The following ATP1A3 variants were observed in gnomAD, a reference collection of about 807,000 sequenced individuals.
ATP1A3 encodes the protein sodium/potassium-transporting ATPase subunit alpha-3.
Under a neutral mutation model 108.8 loss-of-function variants are expected in ATP1A3, and 12 were observed. The observed-to-expected ratio is 0.11, with a 90% CI of 0.07 to 0.18. ATP1A3 has a LOEUF of 0.18. Ranked by LOEUF, ATP1A3 falls within the 10% of genes least tolerant of loss-of-function variation. The pLI is 1.00. For synonymous variants in ATP1A3, 539 were observed against 564.5 expected (o/e 0.95, Z 0.64); for missense variants, 498 against 1,387.7 (o/e 0.36, Z 10.19).
chr19:41,985,447 A>C lies in ATP1A3; in HGVS notation c.607-24T>G, dbSNP rs782286721. The C allele has an allele frequency of 6.2e-7, 1 of 1,600,208 alleles. No homozygotes were observed. The highest frequency in any genetic ancestry group is 8.6e-7 in the Non-Finnish European group (1 of 1,167,514). On this transcript the variant is annotated intron_variant, in intron 6 of 22. Coordinates refer to ENST00000648268, the MANE Select transcript of ATP1A3 (RefSeq NM_152296.5). The surrounding 1 kb of genome is among the most constrained non-coding windows in gnomAD (Gnocchi z 8.2). ...ACCTGGGGGTAGGTGCAGCAGAGAG[A>C]GGGTTCAGTCCAGGGCCTGGGACAG...
chr19:41,971,407 C>T (rs2075108415), intron 16 of ATP1A3, among the ~76,000 whole-genome samples: 1 of 152,090 alleles, frequency 6.6e-6, no homozygotes, highest in Admixed American at 6.6e-5. Context: ...GTTTTATACC[C>T]AAAAGAGAGG....
intron 4 of ATP1A3, among the ~76,000 whole-genome samples, chr19:41,987,066 G>T (rs2075293783): frequency 6.6e-6 from 1 of 152,184 alleles, no homozygotes; most frequent in East Asian, 1.9e-4. Context: ...TTGTGTGTGT[G>T]TCTGTCCTCC....
intron 18 of ATP1A3, 31 bp from the exon 19 acceptor site, chr19:41,969,611 G>C (rs782547673): frequency 6.2e-6 from 10 of 1,612,348 alleles, no homozygotes; most frequent in Non-Finnish European, 8.5e-6. Context: ...GCCGAGGAGA[G>C]GCTCAGATTG....
chr19:41,969,568 G>A lies in ATP1A3; in HGVS notation c.2555C>T (p.Ala852Val). ...AAAGTAAGAGAAGAAGCCACCGAGA[G>A]CCTGGATCATTCCTGGAAGGAGGAG... ...MAYGQIGMIQ[A>V]LGGFFSYFVI... The change falls in exon 19 of 23, where the codon GCT (alanine) becomes GTT (valine). Residue 852 changes from alanine to valine, a missense_variant. Coordinates refer to ENST00000648268, the MANE Select transcript of ATP1A3 (RefSeq NM_152296.5). 1 of 1,613,924 alleles carries A rather than the reference G, an allele frequency of 6.2e-7. No individual in the cohort carries two copies. The highest frequency in any genetic ancestry group is 8.5e-7 in the Non-Finnish European group (1 of 1,180,034).
intron 8 of ATP1A3, among the ~76,000 whole-genome samples, chr19:41,983,589 ATT>A (rs1555864229): frequency 9.0e-5 from 13 of 145,150 alleles, no homozygotes; most frequent in African/African-American, 3.3e-4. Flanking sequence ...AATAATAATT[ATT>A]ATTATTATAA....
At position 41,970,493 on chromosome 19, in the gene ATP1A3, G is replaced by A; in HGVS notation, c.2313C>T (p.Thr771=). 1 of 1,614,148 alleles carries A rather than the reference G, an allele frequency of 6.2e-7. No individual in the cohort carries two copies. Among genetic ancestry groups the A allele is most frequent in the Non-Finnish European group, 8.5e-7 (1 of 1,180,032 alleles). ...AGGGCGTGATCTCCGGGATATTGCT[G>A]GTCAGGGTGTAGGCAATGGACTTCT... The part of the protein sequence containing the change: ...NLKKSIAYTL[T]SNIPEITPFL... The change falls in exon 17 of 23, where the codon ACC becomes ACT. Residue 771 remains threonine (T), a synonymous_variant. Transcript: ENST00000648268.
At position 41,978,942 on chromosome 19, in the gene ATP1A3, C is replaced by T; in HGVS notation, c.1438-144G>A. 1 of 680,532 alleles carries T rather than the reference C, an allele frequency of 1.5e-6. No individual in the cohort carries two copies. Among genetic ancestry groups the T allele is most frequent in the Non-Finnish European group, 2.5e-6 (1 of 393,272 alleles). 42.2% of individuals were successfully genotyped at this position (680,532 alleles called of 1,614,324 possible). A position where few individuals can be genotyped will look rare whatever the true frequency, so the allele number is the denominator to read the frequency against. ...CCACACTCTCTCACAGAGACCTCTG[C>T]TCATTCCTGTCCGCTCTGTCTATGT... is the stretch of plus-strand genomic sequence containing the variant. On this transcript the variant is annotated intron_variant, in intron 11 of 22. Transcript: ENST00000648268. This position sits in a 1 kb window ranked among gnomAD's most constrained non-coding sequence, Gnocchi z 8.3.
At chr19:41,969,656 C>T in intron 18 of ATP1A3, 76 bp from the exon 19 acceptor site, 1 of 1,579,750 alleles carries the variant, frequency 6.3e-7, no homozygotes, top group Non-Finnish European at 8.7e-7. Flanking sequence ...CTCAGAGGGC[C>T]CGGAGGCCTC....
At position 41,981,902 on chromosome 19, in the gene ATP1A3, G is replaced by A. The variant is rs367771319; in HGVS notation, c.1192+6C>T. 97 of 1,614,238 alleles carry A rather than the reference G, an allele frequency of 6.0e-5. No individual in the cohort carries two copies. In the African/African-American group the frequency reaches 7.6e-4, roughly 13 times the overall value. On this transcript the variant is annotated splice_donor_region_variant and intron_variant, in intron 9 of 22. Coordinates refer to ENST00000648268, the MANE Select transcript of ATP1A3 (RefSeq NM_152296.5). This position sits in a 1 kb window ranked among gnomAD's most constrained non-coding sequence, Gnocchi z 5.0. ...CCCATGGTCCTCACCCGGGGCCTGCGCTCACCTGACTGGTCCTCAGTGGTG... is the reference window on the plus strand; with the variant it reads ...CCCATGGTCCTCACCCGGGGCCTGCACTCACCTGACTGGTCCTCAGTGGTG...
rs1196552435 is a variant in ATP1A3 at position 41,968,129 on chromosome 19, A to T, written c.2820-366T>A. 6.6e-6 allele frequency among the ~76,000 whole-genome samples: 1 copy of T among 151,968 alleles called. No individual in the cohort carries two copies. The highest frequency in any genetic ancestry group is 1.5e-5 in the Non-Finnish European group (1 of 68,000). ...ACAGAGAGGCACTGGTATAAAAAGA[A>T]AAGGCCAGGGGCACCTCCACCACAC... On this transcript the variant is annotated intron_variant, in intron 20 of 22. Coordinates refer to ENST00000648268, the MANE Select transcript of ATP1A3 (RefSeq NM_152296.5). The surrounding 1 kb of genome is among the most constrained non-coding windows in gnomAD (Gnocchi z 5.0).
At position 41,981,052 on chromosome 19, in the gene ATP1A3, C is replaced by T. The variant is rs1346215662; in HGVS notation, c.1437+450G>A. Reference sequence around the variant, plus strand: ...TTGCTCTGTCACCCAGGCTGGAGTACAGTGCGTGATGTAGGCTCTCTGCAG... The same window carrying T: ...TTGCTCTGTCACCCAGGCTGGAGTATAGTGCGTGATGTAGGCTCTCTGCAG... On this transcript the variant is annotated intron_variant, in intron 11 of 22. Transcript: ENST00000648268. This position sits in a 1 kb window ranked among gnomAD's most constrained non-coding sequence, Gnocchi z 5.0. Among the ~76,000 whole-genome samples the T allele has an allele frequency of 6.7e-6, 1 of 149,652 alleles. No individual in the cohort carries two copies. Among genetic ancestry groups the T allele is most frequent in the African/African-American group, 2.5e-5 (1 of 40,600 alleles).
chr19:41,969,707 A>C, intron 18 of ATP1A3, 127 bp from the exon 19 acceptor site: 1 of 1,355,504 alleles, frequency 7.4e-7, no homozygotes, highest in Non-Finnish European at 1.0e-6. Context: ...TGTTATCTGG[A>C]CATTGGTTCC....
chr19:41,982,168 C>A, intron 8 of ATP1A3, 62 bp from the exon 9 acceptor site: 1 of 1,612,154 alleles, frequency 6.2e-7, no homozygotes, highest in South Asian at 1.1e-5. Context: ...GTTGGATGAG[C>A]GACACGAGGG....
chr19:41,988,637 C>A lies in ATP1A3; in HGVS notation c.7-75G>T, dbSNP rs1555866423. ...GAAGGGGTTCCAGGAGGACACCGGC[C>A]CTCCATGCCCCAGCTATCCTCCTGG... On this transcript the variant is annotated intron_variant, in intron 1 of 22. Transcript: ENST00000648268. The surrounding 1 kb of genome is among the most constrained non-coding windows in gnomAD (Gnocchi z 5.3). 1.9e-6 allele frequency: 3 copies of A among 1,611,558 alleles called. No homozygotes were observed. The highest frequency in any genetic ancestry group is 8.5e-7 in the Non-Finnish European group (1 of 1,179,346).
chr19:41,990,977 G>A (rs1294394056), intron 1 of ATP1A3: 4 of 152,402 alleles, frequency 2.6e-5, no homozygotes, highest in Admixed American at 6.6e-5. Context: ...GTCCTTAACA[G>A]AGGCTGGGCA....
intron 18 of ATP1A3, 75 bp downstream of exon 18, chr19:41,970,110 A>G (rs2075086680): frequency 6.2e-7 from 1 of 1,612,370 alleles, no homozygotes; most frequent in Non-Finnish European, 8.5e-7. Context: ...CAGGGTCCCA[A>G]GCACCCACGG....
rs1568851412 is a variant in ATP1A3, at chr19:41,966,853, C to CAGAATACAA, written c.*75_*83dup. On this transcript the variant is annotated 3_prime_UTR_variant, in exon 23 of 23. Transcript: ENST00000648268. Reference sequence around the variant, plus strand: ...CACAGGAAGAGAGGGCTCCTCCCCCCAGAATACAAAATTGGGGGGACTGAC... The same window carrying CAGAATACAA: ...CACAGGAAGAGAGGGCTCCTCCCCCCAGAATACAAAGAATACAAAATTGGGGGGACTGAC... 2.6e-6 allele frequency: 4 copies of CAGAATACAA among 1,547,298 alleles called. No individual in the cohort carries two copies. The East Asian group carries it at 9.8e-5, about 38-fold the overall frequency.
In ATP1A3 at chr19:41,966,750, G is replaced by A. The variant is rs1435662602; in HGVS notation, c.*187C>T. 3.3e-6 allele frequency: 5 copies of A among 1,532,734 alleles called. No individual in the cohort carries two copies. The highest frequency in any genetic ancestry group is 4.4e-6 in the Non-Finnish European group (5 of 1,135,316). 94.9% of individuals were successfully genotyped at this position (1,532,734 alleles called of 1,614,324 possible). A position where few individuals can be genotyped will look rare whatever the true frequency, so the allele number is the denominator to read the frequency against. On this transcript the variant is annotated 3_prime_UTR_variant, in exon 23 of 23. Coordinates refer to ENST00000648268, the MANE Select transcript of ATP1A3 (RefSeq NM_152296.5). ...TGACACAGAAAAGAGAGAGGAGAGA[G>A]GTTTGGGGCAGGGGAGAGAAGCCAG...
At position 41,988,625 on chromosome 19, in the gene ATP1A3, G is replaced by A. The variant is rs1568867165; in HGVS notation, c.7-63C>T. Reference sequence around the variant, plus strand: ...GACTGCGGGCGAGAAGGGGTTCCAGGAGGACACCGGCCCTCCATGCCCCAG... The same window carrying A: ...GACTGCGGGCGAGAAGGGGTTCCAGAAGGACACCGGCCCTCCATGCCCCAG... On this transcript the variant is annotated intron_variant, in intron 1 of 22. Transcript: ENST00000648268. The surrounding 1 kb of genome is among the most constrained non-coding windows in gnomAD (Gnocchi z 5.3). The A allele has an allele frequency of 1.2e-6, 2 of 1,613,044 alleles. No individual in the cohort carries two copies. Among genetic ancestry groups the A allele is most frequent in the African/African-American group, 1.3e-5 (1 of 75,004 alleles).
Sources: allele counts gnomAD v4.1 joint callset (sites outside exome capture counted in the v4.1 genomes callset), GRCh38; gene constraint gnomAD v4.1.1; non-coding constraint Gnocchi (gnomAD v3.1); transcripts MANE v1.5; gene names NCBI Gene and HGNC (gene_info 2026-07-23, HGNC 2026-07-21).